HIP1: variants seen among roughly 807,000 people sequenced by gnomAD.
HIP1 encodes the protein huntingtin interacting protein 1.
HIP1 carries 65 observed loss-of-function variants against 147.6 expected under a neutral mutation model. The observed-to-expected ratio is 0.44, with a 90% CI of 0.36 to 0.54. The LOEUF is 0.54. Among genes scored for constraint, HIP1 ranks in the 20% least tolerant of loss-of-function variants. The pLI, the probability that HIP1 is intolerant of heterozygous loss-of-function variation, is 0.00. For missense variants in HIP1, 1,061 were observed against 1,299.6 expected (o/e 0.82, Z 2.82); for synonymous variants, 479 against 504.0 (o/e 0.95, Z 0.67).
chr7:75,607,552 A>T (rs954143406), intron 1 of HIP1, among the ~76,000 whole-genome samples: 10 of 121,850 alleles, frequency 8.2e-5, no homozygotes, highest in Admixed American at 3.2e-4. Context: ...AAAAAAAAAA[A>T]TTTGTCAAGT....
chr7:75,552,469 C>T (rs1362936138), intron 22 of HIP1, among the ~76,000 whole-genome samples: 3 of 152,012 alleles, frequency 2.0e-5, no homozygotes, highest in African/African-American at 7.2e-5. Context: ...CCTGCCTCAG[C>T]CTCCCGAGTA....
intron 1 of HIP1, chr7:75,733,319 C>T (rs1012179077): frequency 3.9e-5 from 6 of 152,588 alleles, no homozygotes; most frequent in African/African-American, 1.2e-4. Context: ...TGACTGACCA[C>T]CGTGTGGTCC....
intron 1 of HIP1, among the ~76,000 whole-genome samples, chr7:75,715,737 T>C (rs1801295892): frequency 1.6e-5 from 2 of 125,472 alleles, no homozygotes; most frequent in African/African-American, 3.1e-5. Context: ...ATCATGCCAC[T>C]GCACTCCAGC....
At chr7:75,672,135 T>C (rs888077192) in intron 1 of HIP1, among the ~76,000 whole-genome samples, 20 of 152,212 alleles carry the variant, frequency 1.3e-4, no homozygotes, top group Admixed American at 8.5e-4. Context: ...ATAGGCACCT[T>C]TGCATGTGCT....
At chr7:75,636,947 C>A (rs1554509771) in intron 1 of HIP1, among the ~76,000 whole-genome samples, 1 of 152,174 alleles carries the variant, frequency 6.6e-6, no homozygotes, top group African/African-American at 2.4e-5. Flanking sequence ...ATGGACTCTG[C>A]CCATCCTCTT....
At chr7:75,559,400 G>A (rs1206691922) in intron 14 of HIP1, among the ~76,000 whole-genome samples, 1 of 152,168 alleles carries the variant, frequency 6.6e-6, no homozygotes, top group Non-Finnish European at 1.5e-5. Context: ...ACAGGCATGT[G>A]CCACTGTGCC....
chr7:75,698,600 T>G (rs893863466), intron 1 of HIP1, among the ~76,000 whole-genome samples: 1 of 152,122 alleles, frequency 6.6e-6, no homozygotes, highest in Admixed American at 6.6e-5. Context: ...GGAGGATCAC[T>G]TGAGGCCAAG....
At chr7:75,589,162 A>AG (rs1796390521) in intron 4 of HIP1, among the ~76,000 whole-genome samples, 1 of 151,692 alleles carries the variant, frequency 6.6e-6, no homozygotes, top group African/African-American at 2.4e-5. Context: ...AAAAAAAAAA[A>AG]AAGAAGAAGA....
intron 1 of HIP1, among the ~76,000 whole-genome samples, chr7:75,651,460 C>CAAAAAAAAAAAAA (rs1168846001): frequency 1.6e-4 from 7 of 44,130 alleles, no homozygotes; most frequent in African/African-American, 2.4e-4. Context: ...CTCCATATCT[C>CAAAAAAAAAAAAA]AAAAAAAAAA....
rs1381884937 is a variant in HIP1 at position 75,624,627 on chromosome 7, G to A, written c.121-25380C>T. On this transcript the variant is annotated intron_variant, in intron 1 of 30. Transcript: ENST00000336926. ...TCCAATCATGTCAGAAACATCCAGGGCTTACGAGGAAACTGCTCCACTCCC... is the reference window on the plus strand; with the variant it reads ...TCCAATCATGTCAGAAACATCCAGGACTTACGAGGAAACTGCTCCACTCCC... Among the ~76,000 whole-genome samples, 5 of 152,156 alleles carry A rather than the reference G, an allele frequency of 3.3e-5. No individual in the cohort carries two copies. In the East Asian group the frequency reaches 9.6e-4, roughly 29 times the overall value.
chr7:75,563,948 A>G (rs1260006821), intron 9 of HIP1, among the ~76,000 whole-genome samples: 1 of 152,284 alleles, frequency 6.6e-6, no homozygotes, highest in South Asian at 2.1e-4. Flanking sequence ...GCTAGAGTGC[A>G]GTGGTGCAAT....
At chr7:75,555,575 G>C in intron 18 of HIP1, 24 bp from the exon 19 acceptor site, 1 of 1,613,796 alleles carries the variant, frequency 6.2e-7, no homozygotes, top group Non-Finnish European at 8.5e-7. Context: ...AGGGAGGTGA[G>C]AGTCTGCCCT....
At position 75,592,408 on chromosome 7, in the gene HIP1, A is replaced by G. The variant is rs2116971716; in HGVS notation, c.291T>C (p.His97=). 5 of 1,612,272 alleles carry G rather than the reference A, an allele frequency of 3.1e-6. No homozygotes were observed. Among genetic ancestry groups the G allele is most frequent in the Non-Finnish European group, 4.2e-6 (5 of 1,179,600 alleles). The change falls in exon 3 of 31, where the codon CAT becomes CAC. Residue 97 remains histidine, a synonymous_variant. Coordinates refer to ENST00000336926, the MANE Select transcript of HIP1 (RefSeq NM_005338.7). Reference sequence around the variant, plus strand: ...CATCTCGGAGGAGTTTGTGGAACACATGGCAGAACTTCCAGCAGAGCACTG... The same window carrying G: ...CATCTCGGAGGAGTTTGTGGAACACGTGGCAGAACTTCCAGCAGAGCACTG... ...SNAVLCWKFC[H]VFHKLLRDGH...
intron 1 of HIP1, among the ~76,000 whole-genome samples, chr7:75,648,119 G>A (rs1325764108): frequency 6.6e-6 from 1 of 152,234 alleles, no homozygotes; most frequent in African/African-American, 2.4e-5. Context: ...CTTGGCTTTC[G>A]GAGCTCCAGC....
intron 1 of HIP1, among the ~76,000 whole-genome samples, chr7:75,605,631 C>T (rs1293214231): frequency 2.0e-5 from 3 of 152,076 alleles, no homozygotes; most frequent in Non-Finnish European, 2.9e-5. Context: ...CTCCTGGGTT[C>T]GAGTGATTCT....
chr7:75,561,094 A>G (rs1728038851), intron 13 of HIP1, among the ~76,000 whole-genome samples: 1 of 151,850 alleles, frequency 6.6e-6, no homozygotes, highest in East Asian at 1.9e-4. Context: ...CTGGGATTAC[A>G]GGTGCCTGCC....
Position 75,592,071 on chromosome 7 carries a change from G to A in HIP1, c.369C>T (p.Asp123=), listed in dbSNP as rs1554500881. ...CCAAACTCACCCACATCCTGCTCAT[G>A]TCACTCAATTCATTTCTGTATCTCA... is the stretch of plus-strand genomic sequence containing the variant. ...DSLRYRNELS[D]MSRMWGHLSE... is the part of the protein sequence containing the mutation. Residue 123 remains aspartate (D), a synonymous_variant, in exon 4 of 31, where the codon GAC becomes GAT. Transcript: ENST00000336926. The A allele has an allele frequency of 4.3e-6, 7 of 1,613,894 alleles. No homozygotes were observed. The highest frequency in any genetic ancestry group is 3.3e-5 in the Admixed American group (2 of 60,000).
chr7:75,659,584 G>A (rs1416762250), intron 1 of HIP1, among the ~76,000 whole-genome samples: 1 of 152,026 alleles, frequency 6.6e-6, no homozygotes, highest in African/African-American at 2.4e-5. Context: ...GGGAGGCAGA[G>A]GTTGCAGAGA....
chr7:75,664,081 CAT>C lies in HIP1; in HGVS notation c.121-64836_121-64835del, dbSNP rs561893690. Among the ~76,000 whole-genome samples the C allele has an allele frequency of 7.9e-3, 622 of 78,502 alleles. 59 individuals carry two copies. Among genetic ancestry groups the C allele is most frequent in the Middle Eastern group, 0.016 (2 of 126 alleles). The allele number at this position is 78,502 out of a possible 152,430, so 51.5% of individuals were successfully genotyped here. A position where few individuals can be genotyped will look rare whatever the true frequency, so the allele number is the denominator to read the frequency against. The stretch of plus-strand genomic sequence containing the variant: ...ACACATATATGTGTATATACACACA[CAT>C]ATACACACATATGTGCATACATACA... On this transcript the variant is annotated intron_variant, in intron 1 of 30. Transcript: ENST00000336926.
Sources: allele counts gnomAD v4.1 joint callset (sites outside exome capture counted in the v4.1 genomes callset), GRCh38; gene constraint gnomAD v4.1.1; transcripts MANE v1.5; gene names NCBI Gene and HGNC (gene_info 2026-07-23, HGNC 2026-07-21).